TMEM178B: variants seen among roughly 807,000 people sequenced by gnomAD.
TMEM178B encodes transmembrane protein 178B.
Under a neutral mutation model 31.0 loss-of-function variants are expected in TMEM178B, and 5 were observed. The ratio of observed to expected loss-of-function variants is 0.16; its 90% CI spans 0.08 to 0.34. The LOEUF is 0.34. TMEM178B is among the 10% of genes least tolerant of loss of function. The pLI, the probability that TMEM178B is intolerant of heterozygous loss-of-function variation, is 1.00. For synonymous variants in TMEM178B, 164 were observed against 164.0 expected, an observed-to-expected ratio of 1.00 and a Z score of 0.00; for missense variants, 275 against 400.3, an observed-to-expected ratio of 0.69 and a Z score of 2.67.
intron 2 of TMEM178B, among the ~76,000 whole-genome samples, chr7:141,317,199 G>A (rs1456563229): frequency 2.0e-5 from 3 of 152,150 alleles, no homozygotes; most frequent in Non-Finnish European, 4.4e-5. Context: ...GGCAGGAAGT[G>A]CCATTGTATT....
the TMEM178B span, among the ~76,000 whole-genome samples, chr7:141,490,620 C>A: frequency 1.3e-5 from 2 of 152,170 alleles, no homozygotes; most frequent in Non-Finnish European, 2.9e-5. Context: ...TCACAACAGC[C>A]CCAGCAAGCT....
chr7:141,176,939 C>T (rs2129183431), intron 1 of TMEM178B, among the ~76,000 whole-genome samples: 1 of 152,070 alleles, frequency 6.6e-6, no homozygotes, highest in South Asian at 2.1e-4. Context: ...TTTTTTGTGT[C>T]TCTGTCTCCT....
At chr7:141,173,252 T>C (rs1478734994) in intron 1 of TMEM178B, 3 of 152,192 alleles carry the variant, frequency 2.0e-5, no homozygotes, top group Non-Finnish European at 4.4e-5. Context: ...CAGAGGTAAA[T>C]ACTGCAAGGT....
At chr7:141,379,479 T>A (rs982339142) in intron 2 of TMEM178B, among the ~76,000 whole-genome samples, 1 of 152,140 alleles carries the variant, frequency 6.6e-6, no homozygotes, top group African/African-American at 2.4e-5. Flanking sequence ...AGTAAATCCC[T>A]GTCTAAAATA....
chr7:141,419,212 G>A (rs749062929), intron 2 of TMEM178B, among the ~76,000 whole-genome samples: 11 of 151,942 alleles, frequency 7.2e-5, no homozygotes, highest in South Asian at 2.1e-4. Flanking sequence ...GGCTGGCCCC[G>A]TCCTTGCTTT....
chr7:141,216,295 G>A (rs1190128450), intron 2 of TMEM178B, among the ~76,000 whole-genome samples: 2 of 152,102 alleles, frequency 1.3e-5, no homozygotes, highest in South Asian at 2.1e-4. Context: ...TGGTGTGTGC[G>A]CTCATACACC....
chr7:141,280,356 C>T (rs1051393608), intron 2 of TMEM178B, among the ~76,000 whole-genome samples: 2 of 152,078 alleles, frequency 1.3e-5, no homozygotes, highest in African/African-American at 2.4e-5. Context: ...ATAATTCCTA[C>T]GTGTTGTGGG....
chr7:141,229,399 A>G (rs531098547), intron 2 of TMEM178B, among the ~76,000 whole-genome samples: 53 of 152,132 alleles, frequency 3.5e-4, no homozygotes, highest in African/African-American at 1.1e-3. Flanking sequence ...TCTGGTTTCA[A>G]TCCTTCCCTG....
At chr7:141,397,518 A>G (rs1800679169) in intron 2 of TMEM178B, among the ~76,000 whole-genome samples, 1 of 152,120 alleles carries the variant, frequency 6.6e-6, no homozygotes, top group Non-Finnish European at 1.5e-5. Flanking sequence ...GGAACTTGGA[A>G]CACATTTTCT....
chr7:141,207,785 G>A (rs1305272502), intron 1 of TMEM178B, among the ~76,000 whole-genome samples: 1 of 152,180 alleles, frequency 6.6e-6, no homozygotes, highest in Non-Finnish European at 1.5e-5. Context: ...GTCCAGGGAT[G>A]GTGGTTCACG....
At chr7:141,270,550 G>T (rs958037450) in intron 2 of TMEM178B, among the ~76,000 whole-genome samples, 1 of 152,158 alleles carries the variant, frequency 6.6e-6, no homozygotes, top group Non-Finnish European at 1.5e-5. Context: ...ACCAAGAGTT[G>T]TTTCACTACC....
chr7:141,388,013 T>G (rs1800466077), intron 2 of TMEM178B, among the ~76,000 whole-genome samples: 1 of 152,216 alleles, frequency 6.6e-6, no homozygotes. Context: ...GCACACCCTT[T>G]GAGCTTTCAT....
intron 2 of TMEM178B, among the ~76,000 whole-genome samples, chr7:141,220,718 C>T (rs1797244053): frequency 6.6e-6 from 1 of 152,238 alleles, no homozygotes; most frequent in South Asian, 2.1e-4. Flanking sequence ...TGGAGGCATT[C>T]TCTCAGCTTC....
At chr7:141,232,221 T>C (rs1797459654) in intron 2 of TMEM178B, among the ~76,000 whole-genome samples, 1 of 152,256 alleles carries the variant, frequency 6.6e-6, no homozygotes, top group Admixed American at 6.5e-5. Flanking sequence ...TGATGGGCAT[T>C]TGAGTTGACT....
chr7:141,147,631 T>C (rs1017268111), intron 1 of TMEM178B, among the ~76,000 whole-genome samples: 1 of 151,986 alleles, frequency 6.6e-6, no homozygotes, highest in Non-Finnish European at 1.5e-5. Flanking sequence ...TGGAGATTAA[T>C]TGCACATTGG....
intron 1 of TMEM178B, among the ~76,000 whole-genome samples, chr7:141,167,982 T>C (rs1312934889): frequency 3.3e-5 from 5 of 152,192 alleles, no homozygotes; most frequent in Non-Finnish European, 5.9e-5. Flanking sequence ...AGCTCCAACA[T>C]TTATTGTGAA....
intron 2 of TMEM178B, among the ~76,000 whole-genome samples, chr7:141,418,533 T>C (rs1185415061): frequency 6.6e-6 from 1 of 152,218 alleles, no homozygotes; most frequent in African/African-American, 2.4e-5. Context: ...ACATTAGCCA[T>C]CAGTGAAACC....
chr7:141,409,139 G>A (rs1800936512), intron 2 of TMEM178B, among the ~76,000 whole-genome samples: 1 of 152,116 alleles, frequency 6.6e-6, no homozygotes. Flanking sequence ...TGTGCATTGG[G>A]GAAAGATGCA....
chr7:141,086,345 A>G (rs1794787867), intron 1 of TMEM178B, among the ~76,000 whole-genome samples: 1 of 152,190 alleles, frequency 6.6e-6, no homozygotes, highest in African/African-American at 2.4e-5. Flanking sequence ...ATTAATATTA[A>G]TATTAAAACA....
Sources: gnomAD v4.1 joint callset for allele counts (sites outside exome capture counted in the v4.1 genomes callset) on GRCh38, gnomAD v4.1.1 for gene constraint, MANE v1.5 for transcripts, NCBI Gene and HGNC (gene_info 2026-07-23, HGNC 2026-07-21) for gene names.